Variants in FBXO32 observed in about 807,000 individuals in gnomAD.
FBXO32 encodes the protein F-box protein 32.
Under a neutral mutation model 48.3 loss-of-function variants are expected in FBXO32, and 15 were observed. The observed-to-expected ratio is 0.31, with a 90% CI of 0.21 to 0.48. The LOEUF is 0.48. Among genes scored for constraint, FBXO32 ranks in the 20% least tolerant of loss-of-function variants. The pLI is 0.99. For missense variants in FBXO32, 309 were observed against 432.7 expected, an observed-to-expected ratio of 0.71 and a Z score of 2.54; for synonymous variants, 154 against 165.9, an observed-to-expected ratio of 0.93 and a Z score of 0.55.
At chr8:123,515,601 G>A (rs967505880) in intron 4 of FBXO32, among the ~76,000 whole-genome samples, 1 of 152,054 alleles carries the variant, frequency 6.6e-6, no homozygotes, top group African/African-American at 2.4e-5. Context: ...ATAATTGCCA[G>A]ACAAAAATAA....
chr8:123,537,879 A>C (rs1242356106), intron 1 of FBXO32, among the ~76,000 whole-genome samples: 1 of 152,082 alleles, frequency 6.6e-6, no homozygotes. Context: ...GGCTTAGAAA[A>C]GAGTGGCAGA....
intron 4 of FBXO32, among the ~76,000 whole-genome samples, chr8:123,527,844 T>C (rs553211613): frequency 8.8e-4 from 134 of 152,332 alleles, no homozygotes; most frequent in Non-Finnish European, 1.6e-3. Context: ...AATGATTGAT[T>C]TGCAGAAAGT....
At position 123,506,244 on chromosome 8, in the gene FBXO32, A is replaced by G. The variant is rs751762645; in HGVS notation, c.834+148T>C. On this transcript the variant is annotated intron_variant, in intron 7 of 8. Coordinates refer to ENST00000517956, the MANE Select transcript of FBXO32 (RefSeq NM_058229.4). The surrounding 1 kb of genome is among the most constrained non-coding windows in gnomAD (Gnocchi z 4.0). The stretch of plus-strand genomic sequence containing the variant: ...ACCCTGTCTCAAAAAACAAAATCAC[A>G]AAACTCCTTCAACTGTCATTTTTCA... The G allele has an allele frequency of 3.2e-5, 28 of 887,364 alleles. No individual in the cohort carries two copies. Among genetic ancestry groups the G allele is most frequent in the Non-Finnish European group, 4.2e-5 (24 of 577,836 alleles). The allele number at this position is 887,364 out of a possible 1,614,324, so 55.0% of individuals were successfully genotyped here. A position where few individuals can be genotyped will look rare whatever the true frequency, so the allele number is the denominator to read the frequency against.
At chr8:123,518,133 A>G (rs16898497) in intron 4 of FBXO32, among the ~76,000 whole-genome samples, 14,249 of 152,164 alleles carry the variant, frequency 0.094, 907 homozygotes, top group Admixed American at 0.21. Context: ...AGTTTCTGGT[A>G]TATATCATAA....
chr8:123,498,965 T>TCTC lies in FBXO32; in HGVS notation c.*4405_*4407dup, dbSNP rs1358314082. On this transcript the variant is annotated 3_prime_UTR_variant, in exon 9 of 9. Transcript: ENST00000517956. Reference sequence around the variant, plus strand: ...CAGCCACATGCCCAATGCTGGGCAGTCTCCCATGCCTTCCACAGTGAAGGG... The same window carrying TCTC: ...CAGCCACATGCCCAATGCTGGGCAGTCTCCTCCCATGCCTTCCACAGTGAAGGG... 2.0e-5 allele frequency: 3 copies of TCTC among 152,196 alleles called. No individual in the cohort carries two copies. Among genetic ancestry groups the TCTC allele is most frequent in the Non-Finnish European group, 4.4e-5 (3 of 68,040 alleles). 9.4% of individuals were successfully genotyped at this position (152,196 alleles called of 1,614,324 possible).
rs1326630062 is a variant in FBXO32, at chr8:123,504,718, T to A, written c.864A>T (p.Lys288Asn). 1 of 1,613,848 alleles carries A rather than the reference T, an allele frequency of 6.2e-7. No individual in the cohort carries two copies. The highest frequency in any genetic ancestry group is 2.2e-5 in the East Asian group (1 of 44,870). The change falls in exon 8 of 9, where the codon AAA (lysine) becomes AAT (asparagine). Residue 288 changes from lysine (K) to asparagine (N), a missense_variant. Physicochemically the swap from Lys to Asn is moderately conservative, Grantham distance 94 (BLOSUM62 0). Transcript: ENST00000517956. Reference protein sequence around the residue: ...QIRKRLILSDKGQLDWKKMYF... With the variant: ...QIRKRLILSDNGQLDWKKMYF... ...ACATCTTCTTCCAATCCAGCTGCCC[T>A]TTGTCTGACAGAATTAATCGTTTGC... is the stretch of plus-strand genomic sequence containing the variant.
intron 4 of FBXO32, among the ~76,000 whole-genome samples, chr8:123,528,649 A>G (rs1817138602): frequency 6.6e-6 from 1 of 152,104 alleles, no homozygotes; most frequent in South Asian, 2.1e-4. Flanking sequence ...TATAGTAAAA[A>G]ATTTTCTGAC....
chr8:123,511,120 A>T (rs1198603399), intron 6 of FBXO32, among the ~76,000 whole-genome samples: 19 of 152,330 alleles, frequency 1.2e-4, no homozygotes. Flanking sequence ...TCATTGGATA[A>T]ATAGTTGGAA....
chr8:123,504,537 T>A, intron 8 of FBXO32, 67 bp downstream of exon 8: 5 of 1,312,882 alleles, frequency 3.8e-6, no homozygotes, highest in Non-Finnish European at 5.0e-6. Flanking sequence ...CTCACCATGC[T>A]GGCTGGCACT....
Position 123,506,186 on chromosome 8 carries a change from A to C in FBXO32, c.834+206T>G, listed in dbSNP as rs1816614167. On this transcript the variant is annotated intron_variant, in intron 7 of 8. Transcript: ENST00000517956. The surrounding 1 kb of genome is among the most constrained non-coding windows in gnomAD (Gnocchi z 4.0). ...TGAGGTTACAGTGAGCTATGATTGC[A>C]TCACTGCACTCCAGCCTGGGCCACA... Among the ~76,000 whole-genome samples the C allele has an allele frequency of 6.6e-6, 1 of 152,190 alleles. No homozygotes were observed. The highest frequency in any genetic ancestry group is 1.5e-5 in the Non-Finnish European group (1 of 68,032).
intron 1 of FBXO32, among the ~76,000 whole-genome samples, chr8:123,539,884 G>C (rs919235145): frequency 2.0e-5 from 3 of 152,230 alleles, no homozygotes; most frequent in African/African-American, 7.2e-5. Flanking sequence ...GACTCTGGCT[G>C]CACCAGTCCA....
intron 4 of FBXO32, among the ~76,000 whole-genome samples, chr8:123,521,182 C>T (rs117122824): frequency 0.03 from 4,589 of 152,358 alleles, 100 homozygotes; most frequent in Non-Finnish European, 0.047. Flanking sequence ...ATGGAACCCT[C>T]AAGACAGCAA....
In FBXO32 at chr8:123,541,067, C is replaced by A. The variant is rs1206445377; in HGVS notation, c.-53G>T. On this transcript the variant is annotated 5_prime_UTR_variant, in exon 1 of 9. Transcript: ENST00000517956. ...GGAGACGGGGCCGGCCTGGTGGGCT[C>A]GGGGACGTGCCACCCGGGGCGGATG... 9.6e-6 allele frequency: 12 copies of A among 1,252,762 alleles called. No individual in the cohort carries two copies. The highest frequency in any genetic ancestry group is 1.2e-5 in the Non-Finnish European group (11 of 919,562). The allele number at this position is 1,252,762 out of a possible 1,614,324, so 77.6% of individuals were successfully genotyped here. A position where few individuals can be genotyped will look rare whatever the true frequency, so the allele number is the denominator to read the frequency against.
At chr8:123,509,005 A>G (rs1425058787) in intron 6 of FBXO32, among the ~76,000 whole-genome samples, 1 of 151,730 alleles carries the variant, frequency 6.6e-6, no homozygotes, top group Non-Finnish European at 1.5e-5. Context: ...TTTGGCTAAC[A>G]TCCACTAGGG....
rs533339972 is a variant in FBXO32 at position 123,498,256 on chromosome 8, G to A, written c.*5117C>T. The A allele has an allele frequency of 9.2e-5, 14 of 152,230 alleles. No individual in the cohort carries two copies. Among genetic ancestry groups the A allele is most frequent in the Non-Finnish European group, 1.6e-4 (11 of 68,040 alleles). 9.4% of individuals were successfully genotyped at this position (152,230 alleles called of 1,614,324 possible). A position where few individuals can be genotyped will look rare whatever the true frequency, so the allele number is the denominator to read the frequency against. On this transcript the variant is annotated 3_prime_UTR_variant, in exon 9 of 9. Transcript: ENST00000517956. ...TATAGAATACAGCTTGGAGCCTTCT[G>A]CTTAACAGACTTGTGCTTCGTTAAT...
At chr8:123,528,627 A>T (rs1007871549) in intron 4 of FBXO32, among the ~76,000 whole-genome samples, 1 of 152,220 alleles carries the variant, frequency 6.6e-6, no homozygotes, top group African/African-American at 2.4e-5. Context: ...TTATATAAAC[A>T]TCTTTCTAAG....
At chr8:123,532,149 C>A (rs1411620772) in intron 3 of FBXO32, 159 bp from the exon 4 acceptor site, 1 of 1,404,136 alleles carries the variant, frequency 7.1e-7, no homozygotes, top group Non-Finnish European at 9.2e-7. Flanking sequence ...TACCCACAAG[C>A]CCTTGAGAGC....
At chr8:123,537,002 A>G (rs1031420412) in intron 1 of FBXO32, among the ~76,000 whole-genome samples, 2 of 152,180 alleles carry the variant, frequency 1.3e-5, no homozygotes, top group African/African-American at 4.8e-5. Flanking sequence ...GAGAAACCCT[A>G]TATTTTCACT....
intron 8 of FBXO32, among the ~76,000 whole-genome samples, chr8:123,504,159 ATAAG>A (rs980064199): frequency 2.6e-5 from 4 of 152,206 alleles, no homozygotes; most frequent in African/African-American, 9.6e-5. Flanking sequence ...TCTAGCATAA[ATAAG>A]TGACAAATAT....
Sources: allele counts gnomAD v4.1 joint callset (sites outside exome capture counted in the v4.1 genomes callset), GRCh38; gene constraint gnomAD v4.1.1; non-coding constraint Gnocchi (gnomAD v3.1); transcripts MANE v1.5; gene names NCBI Gene and HGNC (gene_info 2026-07-23, HGNC 2026-07-21).